The following PAX5 variants were observed in gnomAD, a reference collection of about 807,000 sequenced individuals.
The protein encoded by PAX5 is paired box protein Pax-5.
PAX5 carries 9 observed loss-of-function variants against 43.7 expected under a neutral mutation model. The ratio of observed to expected loss-of-function variants is 0.21; its 90% confidence interval spans 0.12 to 0.36. The LOEUF is 0.36. Ranked by LOEUF, PAX5 falls within the 10% of genes least tolerant of loss-of-function variation. The pLI is 1.00. For missense variants in PAX5, 383 were observed against 532.7 expected, an observed-to-expected ratio of 0.72 and a Z score of 2.77; for synonymous variants, 228 against 214.3, an observed-to-expected ratio of 1.06 and a Z score of -0.56.
chr9:36,838,654 C>T lies in PAX5; in HGVS notation c.*1906G>A, dbSNP rs1383612695. On this transcript the variant is annotated 3_prime_UTR_variant, in exon 10 of 10. Transcript: ENST00000358127. ...CCCGCCCCTCCGAGTGTTCTTGTTT[C>T]CCACTTGGTCCAAATATTATTGGGC... The T allele has an allele frequency of 1.2e-4, 27 of 232,984 alleles. No homozygotes were observed. In the East Asian group the frequency reaches 1.6e-3, roughly 14 times the overall value. The allele number at this position is 232,984 out of a possible 1,614,324, so 14.4% of individuals were successfully genotyped here.
rs186353467 is a variant in PAX5, at chr9:36,901,473, C to T, written c.911-19368G>A. The stretch of plus-strand genomic sequence containing the variant: ...ACCTTTTAAAAACATTTACTGAGCA[C>T]TTTTGATGAGCCAAGAGCCTAGCTT... On this transcript the variant is annotated intron_variant, in intron 7 of 9. Coordinates refer to ENST00000358127, the MANE Select transcript of PAX5 (RefSeq NM_016734.3). Among the ~76,000 whole-genome samples, 19 of 152,244 alleles carry T rather than the reference C, an allele frequency of 1.2e-4. No homozygotes were observed. In the East Asian group the frequency reaches 1.9e-3, roughly 15 times the overall value.
At chr9:36,869,855 G>A (rs1587822269) in intron 8 of PAX5, among the ~76,000 whole-genome samples, 1 of 149,900 alleles carries the variant, frequency 6.7e-6, no homozygotes, top group Non-Finnish European at 1.5e-5. Context: ...TAAATGGATG[G>A]ATGGATGGAT....
intron 5 of PAX5, among the ~76,000 whole-genome samples, chr9:36,990,392 C>T (rs927189372): frequency 4.6e-5 from 7 of 152,088 alleles, no homozygotes; most frequent in African/African-American, 1.7e-4. Flanking sequence ...TTTGGTATGA[C>T]TGGAGTGCGC....
intron 5 of PAX5, among the ~76,000 whole-genome samples, chr9:37,001,810 CTTTTTTTTT>C (rs3073720): frequency 1.7e-4 from 15 of 87,996 alleles, no homozygotes; most frequent in African/African-American, 4.0e-4. Context: ...ACAGCTCTGG[CTTTTTTTTT>C]TTTTTTTTTT....
chr9:36,911,268 A>C (rs927245593), intron 7 of PAX5, among the ~76,000 whole-genome samples: 1 of 152,200 alleles, frequency 6.6e-6, no homozygotes, highest in African/African-American at 2.4e-5. Context: ...CCTGGCACAG[A>C]GCGAGAGCCC....
At chr9:36,881,634 C>T (rs539801849) in intron 8 of PAX5, among the ~76,000 whole-genome samples, 5 of 150,562 alleles carry the variant, frequency 3.3e-5, no homozygotes, top group South Asian at 2.2e-4. Flanking sequence ...TCGTGTCACA[C>T]GATTGTGTGG....
Position 36,833,888 on chromosome 9 carries a change from A to T in PAX5, c.*6672T>A, listed in dbSNP as rs551132742. Reference sequence around the variant, plus strand: ...TTTTTTGTATTTTTTTTTTTTTACAAGTAAGCGTCTATGCAGGCATCACAA... The same window carrying T: ...TTTTTTGTATTTTTTTTTTTTTACATGTAAGCGTCTATGCAGGCATCACAA... On this transcript the variant is annotated 3_prime_UTR_variant, in exon 10 of 10. Coordinates refer to ENST00000358127, the MANE Select transcript of PAX5 (RefSeq NM_016734.3). 1.4e-4 allele frequency: 33 copies of T among 230,492 alleles called. No homozygotes were observed. In the East Asian group the frequency reaches 1.9e-3, roughly 13 times the overall value. 14.3% of individuals were successfully genotyped at this position (230,492 alleles called of 1,614,324 possible).
chr9:36,840,515 C>G lies in PAX5; in HGVS notation c.*45G>C, dbSNP rs906947252. 24 of 1,550,150 alleles carry G rather than the reference C, an allele frequency of 1.5e-5. No homozygotes were observed. Among genetic ancestry groups the G allele is most frequent in the Admixed American group, 5.9e-5 (3 of 51,214 alleles). The stretch of plus-strand genomic sequence containing the variant: ...TCAGGAGGGCTGGGTGGCTGTCACC[C>G]TCAATAGGTGCCATCAGTGTTTGGT... On this transcript the variant is annotated 3_prime_UTR_variant, in exon 10 of 10. Coordinates refer to ENST00000358127, the MANE Select transcript of PAX5 (RefSeq NM_016734.3).
chr9:36,963,847 C>T (rs111800767), intron 6 of PAX5, among the ~76,000 whole-genome samples: 3 of 152,312 alleles, frequency 2.0e-5, no homozygotes, highest in African/African-American at 7.2e-5. Context: ...CCTGGATCCC[C>T]GCTCTTCCCT....
At chr9:36,915,791 G>T (rs1466420546) in intron 7 of PAX5, among the ~76,000 whole-genome samples, 6 of 151,958 alleles carry the variant, frequency 3.9e-5, no homozygotes, top group Non-Finnish European at 8.8e-5. Flanking sequence ...AAATTTCCAG[G>T]CCAGGCACAG....
intron 8 of PAX5, among the ~76,000 whole-genome samples, chr9:36,847,815 G>T (rs951671006): frequency 2.6e-5 from 4 of 152,144 alleles, no homozygotes; most frequent in Non-Finnish European, 5.9e-5. Flanking sequence ...CTTTACTACT[G>T]GCCAGGTCAC....
intron 2 of PAX5, 67 bp downstream of exon 2, chr9:37,020,569 A>G: frequency 1.4e-6 from 2 of 1,477,342 alleles, no homozygotes; most frequent in Admixed American, 1.7e-5. Context: ...CATATTGGAC[A>G]GCTGCTGGGT....
chr9:36,940,511 T>C (rs1831958135), intron 6 of PAX5, among the ~76,000 whole-genome samples: 1 of 152,142 alleles, frequency 6.6e-6, no homozygotes, highest in Admixed American at 6.5e-5. Flanking sequence ...GTAAATCACA[T>C]GCTTGCGCAC....
intron 1 of PAX5, among the ~76,000 whole-genome samples, chr9:37,026,287 C>T (rs1028561575): frequency 6.6e-6 from 1 of 152,250 alleles, no homozygotes; most frequent in East Asian, 1.9e-4. Context: ...GCCGCCGGAG[C>T]CTTGAAAGGC....
chr9:37,020,746 C>T lies in PAX5; in HGVS notation c.102G>A (p.Pro34=), dbSNP rs532772415. ...GGVFVNGRPL[P]DVVRQRIVEL... is the part of the protein sequence containing the mutation. ...CCACTATCCTCTGGCGGACTACATC[C>T]GGGAGTGGCCGTCCATTCACAAAAA... Residue 34 remains proline, a synonymous_variant, in exon 2 of 10, where the codon CCG becomes CCA. Coordinates refer to ENST00000358127, the MANE Select transcript of PAX5 (RefSeq NM_016734.3). The T allele has an allele frequency of 6.2e-6, 10 of 1,614,008 alleles. No individual in the cohort carries two copies. The highest frequency in any genetic ancestry group is 3.3e-5 in the South Asian group (3 of 91,084).
At position 36,929,478 on chromosome 9, in the gene PAX5, G is replaced by C. The variant is rs1219073795; in HGVS notation, c.781-5994C>G. Among the ~76,000 whole-genome samples the C allele has an allele frequency of 2.0e-5, 3 of 152,132 alleles. No homozygotes were observed. The East Asian group carries it at 5.8e-4, about 29-fold the overall frequency. ...GTGTGTTGGTGCACCTACATACTTG[G>C]GTACATTGCCCCCGCCAACCCCAGC... On this transcript the variant is annotated intron_variant, in intron 6 of 9. Transcript: ENST00000358127.
At chr9:36,889,049 C>G (rs1033565299) in intron 7 of PAX5, among the ~76,000 whole-genome samples, 1 of 152,194 alleles carries the variant, frequency 6.6e-6, no homozygotes, top group African/African-American at 2.4e-5. Flanking sequence ...CAATGGTACT[C>G]TCTGTAACAG....
intron 8 of PAX5, among the ~76,000 whole-genome samples, chr9:36,857,389 G>A (rs557536244): frequency 2.0e-5 from 3 of 152,328 alleles, no homozygotes; most frequent in Admixed American, 6.5e-5. Flanking sequence ...TCCATTCAGA[G>A]CTCAGAGCTA....
At chr9:36,963,357 C>G (rs963051521) in intron 6 of PAX5, among the ~76,000 whole-genome samples, 1 of 152,188 alleles carries the variant, frequency 6.6e-6, no homozygotes, top group African/African-American at 2.4e-5. Flanking sequence ...TCCATGAGCC[C>G]ATGGGACCTG....
Sources: allele counts gnomAD v4.1 joint callset (sites outside exome capture counted in the v4.1 genomes callset), GRCh38; gene constraint gnomAD v4.1.1; transcripts MANE v1.5; gene names NCBI Gene and HGNC (gene_info 2026-07-23, HGNC 2026-07-21).